The following SHROOM2 variants were observed in gnomAD, a reference collection of about 807,000 sequenced individuals.
SHROOM2 encodes protein Shroom2.
SHROOM2 carries 33 observed loss-of-function variants against 75.9 expected under a neutral mutation model. The observed-to-expected ratio is 0.43, with a 90% CI of 0.33 to 0.58. The LOEUF (loss-of-function observed/expected upper bound fraction) is 0.58. SHROOM2 is among the 20% of genes least tolerant of loss of function. The pLI, the probability that SHROOM2 is intolerant of heterozygous loss-of-function variation, is 0.04. For synonymous variants in SHROOM2, 655 were observed against 663.6 expected (o/e 0.99, Z 0.20); for missense variants, 1,434 against 1,461.2 (o/e 0.98, Z 0.30).
At position 9,947,203 on chromosome X, in the gene SHROOM2, C is replaced by T. The variant is rs1460548168; in HGVS notation, c.*266C>T. ...CTCTGCTGGATGTGAGTTTCCACTGCATGGGCTGTGGGCTGGGCCTGTGGT... is the reference window on the plus strand; with the variant it reads ...CTCTGCTGGATGTGAGTTTCCACTGTATGGGCTGTGGGCTGGGCCTGTGGT... On this transcript the variant is annotated 3_prime_UTR_variant, in exon 10 of 10. Coordinates refer to ENST00000380913, the MANE Select transcript of SHROOM2 (RefSeq NM_001649.4). The T allele has an allele frequency of 2.7e-6, 1 of 373,562 alleles. No individual in the cohort carries two copies. Among genetic ancestry groups the T allele is most frequent in the Non-Finnish European group, 4.6e-6 (1 of 217,179 alleles). 30.8% of individuals were successfully genotyped at this position (373,562 alleles called of 1,213,427 possible).
At chrX:9,902,469 G>C (rs1173826393) in intron 5 of SHROOM2, among the ~76,000 whole-genome samples, 1 of 111,900 alleles carries the variant, frequency 8.9e-6, no homozygotes, top group Admixed American at 9.5e-5. Context: ...CCTTGAGTTA[G>C]TCTTTCTTGA....
At chrX:9,805,387 A>C (rs1304390945) in intron 1 of SHROOM2, among the ~76,000 whole-genome samples, 1 of 112,663 alleles carries the variant, frequency 8.9e-6, no homozygotes, top group African/African-American at 3.2e-5. Flanking sequence ...CTATGATCTG[A>C]ATATTTCTGT....
chrX:9,878,494 T>C (rs1340885621), intron 2 of SHROOM2, among the ~76,000 whole-genome samples: 1 of 111,865 alleles, frequency 8.9e-6, no homozygotes, highest in Admixed American at 9.5e-5. Flanking sequence ...TCATGTTTGC[T>C]AGGAGCTGGT....
chrX:9,840,474 G>T (rs1474160958), intron 1 of SHROOM2, among the ~76,000 whole-genome samples: 1 of 111,219 alleles, frequency 9.0e-6, no homozygotes, highest in Non-Finnish European at 1.9e-5. Context: ...TCACCATGTT[G>T]CCCAGGCTGA....
rs1241197083 is a variant in SHROOM2, at chrX:9,873,632, A to G, written c.166-20A>G. The G allele has an allele frequency of 8.3e-7, 1 of 1,210,766 alleles. No homozygotes were observed. Among genetic ancestry groups the G allele is most frequent in the Non-Finnish European group, 1.1e-6 (1 of 894,729 alleles). ...ATTGCTGCTCGTGGAAGGCTCATGG[A>G]ACATGCTTCTCTGTTACAGATTGAA... On this transcript the variant is annotated intron_variant, in intron 1 of 9. Transcript: ENST00000380913.
At chrX:9,801,781 C>T (rs1428343297) in intron 1 of SHROOM2, among the ~76,000 whole-genome samples, 1 of 109,277 alleles carries the variant, frequency 9.2e-6, no homozygotes, top group Non-Finnish European at 1.9e-5. Flanking sequence ...GGTGAAACCC[C>T]GTCTCTACAA....
rs1333282710 is a variant in SHROOM2 at position 9,948,809 on chromosome X, C to T, written c.*1872C>T. 2 of 113,104 alleles carry T rather than the reference C, an allele frequency of 1.8e-5. No homozygotes were observed. Among genetic ancestry groups the T allele is most frequent in the Non-Finnish European group, 3.7e-5 (2 of 53,561 alleles). 9.3% of individuals were successfully genotyped at this position (113,104 alleles called of 1,213,427 possible). A position where few individuals can be genotyped will look rare whatever the true frequency, so the allele number is the denominator to read the frequency against. ...CCTCCTCCTCTCCAGCTGGTAGTCA[C>T]TTGCGTGAATGCTGGTCAGTCTGAA... On this transcript the variant is annotated 3_prime_UTR_variant, in exon 10 of 10. Coordinates refer to ENST00000380913, the MANE Select transcript of SHROOM2 (RefSeq NM_001649.4).
chrX:9,874,682 C>T (rs1423851850), intron 2 of SHROOM2: 1 of 110,786 alleles, frequency 9.0e-6, no homozygotes, highest in Non-Finnish European at 1.9e-5. Context: ...TTTGTAAACA[C>T]CGCTGCACTC....
intron 1 of SHROOM2, among the ~76,000 whole-genome samples, chrX:9,819,802 T>G (rs780967063): frequency 1.9e-4 from 20 of 105,446 alleles, no homozygotes; most frequent in African/African-American, 6.9e-4. Context: ...TTTTTTTTTT[T>G]TTTTTTCTTG....
At chrX:9,823,074 C>CCTTCTCCCTTCTCCTTCTCCTCCT (rs1166360774) in intron 1 of SHROOM2, among the ~76,000 whole-genome samples, 1 of 20,187 alleles carries the variant, frequency 5.0e-5, no homozygotes, top group Non-Finnish European at 1.1e-4. Flanking sequence ...TCCTCCTCCT[C>CCTTCTCCCTTCTCCTTCTCCTCCT]CCTTCTCCCT....
rs777853260 is a variant in SHROOM2, at chrX:9,894,943, G to A, written c.1035G>A (p.Ala345=). 47 of 1,209,228 alleles carry A rather than the reference G, an allele frequency of 3.9e-5. No individual in the cohort carries two copies. Among genetic ancestry groups the A allele is most frequent in the South Asian group, 1.2e-4 (7 of 56,704 alleles). The change falls in exon 4 of 10, where the codon GCG becomes GCA. Residue 345 remains alanine, a synonymous_variant. Transcript: ENST00000380913. The part of the protein sequence containing the change: ...AQGPVFSEAA[A]AQHFTALAQA... ...GCCCTGTGTTCTCAGAGGCGGCTGC[G>A]GCACAGCACTTTACGGCCCTGGCCC...
At chrX:9,912,198 G>GACACACACAC (rs57939278) in intron 5 of SHROOM2, among the ~76,000 whole-genome samples, 3 of 16,143 alleles carry the variant, frequency 1.9e-4, no homozygotes, top group African/African-American at 4.3e-4. Context: ...TAAATTACAA[G>GACACACACAC]ACACACACAC....
Position 9,898,242 on chromosome X carries a change from A to G in SHROOM2, c.2843A>G (p.Glu948Gly). The stretch of plus-strand genomic sequence containing the variant: ...GCAGGGGACCCCGGCGAGCCCAGAG[A>G]AGAGCTTCCCTCCGCAGTCCGGGCC... ...RQAGDPGEPR[E>G]ELPSAVRAEE... Residue 948 changes from glutamate (E) to glycine (G), a missense_variant, in exon 5 of 10, where the codon GAA (glutamate) becomes GGA (glycine). This residue lies in a region of SHROOM2 where 1,340 missense variants were observed against 1,338.3 expected (regional missense o/e 1.00). Transcript: ENST00000380913. 8.4e-7 allele frequency: 1 copy of G among 1,188,539 alleles called. No homozygotes were observed. Among genetic ancestry groups the G allele is most frequent in the Non-Finnish European group, 1.1e-6 (1 of 883,691 alleles).
At chrX:9,937,073 G>A (rs761040212) in intron 6 of SHROOM2, 61 bp from the exon 7 acceptor site, 16 of 1,084,251 alleles carry the variant, frequency 1.5e-5, no homozygotes, top group South Asian at 6.6e-5. Flanking sequence ...CAGGGGACAC[G>A]TCAATCAGGG....
At chrX:9,911,358 T>TG (rs780863305) in intron 5 of SHROOM2, among the ~76,000 whole-genome samples, 2 of 111,989 alleles carry the variant, frequency 1.8e-5, no homozygotes, top group South Asian at 7.5e-4. Context: ...AGTGTCGATA[T>TG]GGGGGAAAAA....
At chrX:9,825,119 T>TA (rs1339733421) in intron 1 of SHROOM2, among the ~76,000 whole-genome samples, 18 of 112,361 alleles carry the variant, frequency 1.6e-4, no homozygotes, top group Non-Finnish European at 3.2e-4. Context: ...AAAATCTCCC[T>TA]AAATATCAAA....
intron 3 of SHROOM2, among the ~76,000 whole-genome samples, chrX:9,891,886 TGTGTGTGCGCGTGC>T (rs1227333429): frequency 9.4e-6 from 1 of 106,834 alleles, no homozygotes; most frequent in African/African-American, 3.6e-5. Context: ...TGTGTGTGTG[TGTGTGTGCGCGTGC>T]GTGCACACGC....
chrX:9,805,600 GT>G (rs200142221), intron 1 of SHROOM2, among the ~76,000 whole-genome samples: 8,419 of 111,926 alleles, frequency 0.075, 642 homozygotes, highest in African/African-American at 0.22. Context: ...GCCGGGCATG[GT>G]TGGCAAGTGC....
intron 5 of SHROOM2, among the ~76,000 whole-genome samples, chrX:9,915,114 GATTAA>G (rs1432481310): frequency 9.0e-6 from 1 of 111,594 alleles, no homozygotes; most frequent in Non-Finnish European, 1.9e-5. Flanking sequence ...AAGGAACACA[GATTAA>G]ATTATTTCTT....
Sources: gnomAD v4.1 joint callset for allele counts (sites outside exome capture counted in the v4.1 genomes callset) on GRCh38, gnomAD v4.1.1 for gene constraint, gnomAD v4.1.1 regional missense constraint, MANE v1.5 for transcripts, NCBI Gene and HGNC (gene_info 2026-07-23, HGNC 2026-07-21) for gene names.